The following LIMCH1 variants were observed in gnomAD, a reference collection of about 807,000 sequenced individuals.
LIMCH1 encodes LIM and calponin homology domains 1.
In LIMCH1, 113 loss-of-function variants were observed where a neutral mutation model predicts 176.5. The observed-to-expected ratio is 0.64, with a 90% CI of 0.55 to 0.75. The LOEUF is 0.75. Ranked by LOEUF, LIMCH1 falls within the 30% of genes least tolerant of loss-of-function variation. The probability of loss-of-function intolerance (pLI) is 0.00; values close to 1 mark genes in which losing one functional copy is unlikely to be tolerated. For synonymous variants in LIMCH1, 619 were observed against 645.9 expected (o/e 0.96, Z 0.63); for missense variants, 1,674 against 1,814.9 (o/e 0.92, Z 1.41).
intron 1 of LIMCH1, among the ~76,000 whole-genome samples, chr4:41,441,501 A>T (rs1336050371): frequency 1.3e-5 from 2 of 152,176 alleles, no homozygotes; most frequent in African/African-American, 4.8e-5. Flanking sequence ...ATATGAGGAA[A>T]AATGAAGGTG....
chr4:41,595,067 G>T (rs2088479377), intron 1 of LIMCH1, among the ~76,000 whole-genome samples: 2 of 152,190 alleles, frequency 1.3e-5, no homozygotes, highest in South Asian at 4.1e-4. Context: ...GTTGCCTCAT[G>T]GGGTAAAGGG....
Position 41,516,016 on chromosome 4 carries a change from T to G in LIMCH1, c.168-8393T>G, listed in dbSNP as rs115967666. ...TAATTACTACATAGCACAATGATGA[T>G]TGCATGTATCACTCCCTGTGTCAGA... On this transcript the variant is annotated intron_variant, in intron 2 of 26. Transcript: ENST00000313860. Among the ~76,000 whole-genome samples the G allele has an allele frequency of 2.9e-3, 446 of 152,356 alleles. 6 individuals are homozygous for G. The highest frequency in any genetic ancestry group is 0.01 in the African/African-American group (428 of 41,582).
chr4:41,438,206 G>C (rs2062297805), intron 1 of LIMCH1, among the ~76,000 whole-genome samples: 1 of 152,110 alleles, frequency 6.6e-6, no homozygotes, highest in Admixed American at 6.6e-5. Flanking sequence ...GCTGCTCATT[G>C]AACAGAGATG....
intron 1 of LIMCH1, among the ~76,000 whole-genome samples, chr4:41,364,106 C>G (rs189447186): frequency 2.0e-5 from 3 of 152,238 alleles, no homozygotes; most frequent in African/African-American, 7.2e-5. Context: ...TGGAAGATAG[C>G]TCTAGTTGTT....
chr4:41,398,857 G>A (rs948194715), intron 1 of LIMCH1, among the ~76,000 whole-genome samples: 4 of 152,036 alleles, frequency 2.6e-5, no homozygotes, highest in African/African-American at 7.2e-5. Context: ...TACCCATCTC[G>A]CTTGCTCCCT....
intron 1 of LIMCH1, among the ~76,000 whole-genome samples, chr4:41,426,725 C>T (rs2061143874): frequency 6.6e-6 from 1 of 152,196 alleles, no homozygotes; most frequent in East Asian, 1.9e-4. Context: ...CTCAAAAGAG[C>T]CACCCATTCC....
chr4:41,581,112 G>GTCTATCTATCTA (rs1554109824), intron 1 of LIMCH1, among the ~76,000 whole-genome samples: 4,300 of 132,964 alleles, frequency 0.032, 64 homozygotes, highest in Admixed American at 0.046. Context: ...CTGTCTGTCT[G>GTCTATCTATCTA]TCTATCTATC....
chr4:41,643,319 GTTT>G (rs200749576), intron 14 of LIMCH1, among the ~76,000 whole-genome samples: 1 of 150,044 alleles, frequency 6.7e-6, no homozygotes, highest in Non-Finnish European at 1.5e-5. Flanking sequence ...GTGCATGGTA[GTTT>G]TTTTTTTCTT....
intron 1 of LIMCH1, among the ~76,000 whole-genome samples, chr4:41,566,813 G>T (rs1347675473): frequency 6.6e-6 from 1 of 152,134 alleles, no homozygotes; most frequent in Non-Finnish European, 1.5e-5. Context: ...CTTAAAAAAA[G>T]AAGAGTTTTC....
chr4:41,614,086 C>T (rs940890762), intron 5 of LIMCH1, among the ~76,000 whole-genome samples: 1 of 152,202 alleles, frequency 6.6e-6, no homozygotes, highest in Non-Finnish European at 1.5e-5. Context: ...AAATGAACTG[C>T]ACACACTTAG....
At chr4:41,429,435 C>G (rs1394920213) in intron 1 of LIMCH1, among the ~76,000 whole-genome samples, 2 of 152,128 alleles carry the variant, frequency 1.3e-5, no homozygotes, top group Non-Finnish European at 2.9e-5. Flanking sequence ...AGACTGTTCT[C>G]TACAGATTTG....
intron 19 of LIMCH1, among the ~76,000 whole-genome samples, chr4:41,662,162 A>T (rs2094647749): frequency 1.3e-5 from 2 of 152,152 alleles, no homozygotes; most frequent in Admixed American, 1.3e-4. Context: ...TCAATTACCA[A>T]ATTATTTTTA....
chr4:41,380,337 G>A (rs188833728), intron 1 of LIMCH1, among the ~76,000 whole-genome samples: 3 of 152,034 alleles, frequency 2.0e-5, no homozygotes, highest in Admixed American at 2.0e-4. Context: ...TGTAGAGATG[G>A]TATCTCACTT....
intron 1 of LIMCH1, among the ~76,000 whole-genome samples, chr4:41,465,020 C>CT (rs1377967493): frequency 1.3e-5 from 2 of 152,118 alleles, no homozygotes; most frequent in Non-Finnish European, 2.9e-5. Context: ...TCCTGCCTAC[C>CT]TTTTTTGGGT....
At position 41,563,595 on chromosome 4, in the gene LIMCH1, A is replaced by G. The variant is rs79618350; in HGVS notation, c.-241+25245A>G. On this transcript the variant is annotated intron_variant, in intron 1 of 31. Coordinates refer to ENST00000503057, the MANE Select transcript of LIMCH1 (RefSeq NM_001330672.2). ...CTCCATTGTCCTGAATTTGTAGTTT[A>G]CTGAGAAATTCTGGGAAACCCAATA... Among the ~76,000 whole-genome samples the G allele has an allele frequency of 1.0e-3, 153 of 152,314 alleles. 1 individual carries two copies. The East Asian group carries it at 0.022, about 22-fold the overall frequency.
At position 41,413,135 on chromosome 4, in the gene LIMCH1, A is replaced by G. The variant is rs112718328; in HGVS notation, c.96+52199A>G. ...TAAGTTGTTTAAATTTTTGCTCATG[A>G]CATTGTTTTCTCCTGAGTCCTCTTT... On this transcript the variant is annotated intron_variant, in intron 1 of 26. Transcript: ENST00000313860. Among the ~76,000 whole-genome samples, 342 of 152,048 alleles carry G rather than the reference A, an allele frequency of 2.2e-3. 1 individual carries two copies. Among genetic ancestry groups the G allele is most frequent in the African/African-American group, 7.4e-3 (305 of 41,462 alleles).
intron 20 of LIMCH1, among the ~76,000 whole-genome samples, chr4:41,663,298 C>G (rs1464313501): frequency 6.6e-6 from 1 of 151,960 alleles, no homozygotes; most frequent in Non-Finnish European, 1.5e-5. Context: ...GGATTATAGG[C>G]GTCTGCCACC....
At chr4:41,613,208 C>A in intron 4 of LIMCH1, 1 of 1,043,026 alleles carries the variant, frequency 9.6e-7, no homozygotes, top group Non-Finnish European at 1.4e-6. Context: ...TTTTTTAAAC[C>A]TAGGGAATAT....
chr4:41,514,005 TAAAA>T lies in LIMCH1; in HGVS notation c.168-10365_168-10362del, dbSNP rs71198665. On this transcript the variant is annotated intron_variant, in intron 2 of 26. Transcript: ENST00000313860. ...TGGGTGATAGAGAGAGACTCCGTCT[TAAAA>T]AAAAAAAAAAAAAAAAAAAAAAAAA... Among the ~76,000 whole-genome samples, 12 of 48,504 alleles carry T rather than the reference TAAAA, an allele frequency of 2.5e-4. No individual in the cohort carries two copies. In the East Asian group the frequency reaches 6.2e-3, roughly 25 times the overall value. The allele number at this position is 48,504 out of a possible 152,430, so 31.8% of individuals were successfully genotyped here. A position where few individuals can be genotyped will look rare whatever the true frequency, so the allele number is the denominator to read the frequency against.
Sources: allele counts gnomAD v4.1 joint callset (sites outside exome capture counted in the v4.1 genomes callset), GRCh38; gene constraint gnomAD v4.1.1; transcripts MANE v1.5; gene names NCBI Gene and HGNC (gene_info 2026-07-23, HGNC 2026-07-21).